OSBPL1A: variants seen among roughly 807,000 people sequenced by gnomAD.
OSBPL1A encodes oxysterol-binding protein-related protein 1.
In OSBPL1A, 80 loss-of-function variants were observed where a neutral mutation model predicts 137.1. The observed-to-expected ratio is 0.58, with a 90% confidence interval of 0.49 to 0.70. OSBPL1A has a LOEUF of 0.70. Ranked by LOEUF, OSBPL1A falls within the 30% of genes least tolerant of loss-of-function variation. The probability of loss-of-function intolerance (pLI) is 0.00; values close to 1 mark genes in which losing one functional copy is unlikely to be tolerated. For missense variants in OSBPL1A, 970 were observed against 1,129.4 expected (o/e 0.86, Z 2.02); for synonymous variants, 365 against 389.7 (o/e 0.94, Z 0.75).
At position 24,385,055 on chromosome 18, in the gene OSBPL1A, C is replaced by T. The variant is rs982783440; in HGVS notation, c.-2-7520G>A. The stretch of plus-strand genomic sequence containing the variant: ...CTGCAAGCTCCGCCTCCCGGGTTCA[C>T]GCCATTCTCCTGCCTCAGCCTCCCA... On this transcript the variant is annotated intron_variant, in intron 1 of 27. Transcript: ENST00000319481. Among the ~76,000 whole-genome samples the T allele has an allele frequency of 4.0e-5, 6 of 151,128 alleles. No individual in the cohort carries two copies. The East Asian group carries it at 7.9e-4, about 20-fold the overall frequency.
In OSBPL1A at chr18:24,171,467, G is replaced by T. The variant is rs530003535; in HGVS notation, c.2233C>A (p.Pro745Thr). The change falls in exon 23 of 28, where the codon CCA (proline) becomes ACA (threonine). Residue 745 changes from proline to threonine, a missense_variant. Pro to Thr is a conservative substitution (Grantham distance 38, BLOSUM62 -1). This residue lies in a region of OSBPL1A where 323 missense variants were observed against 456.8 expected (regional missense o/e 0.71). Transcript: ENST00000319481. ...AATTCCTTACCAAAAAGGCCACATG[G>T]CTTAAAATTCAACACACATTTGTCC... is the stretch of plus-strand genomic sequence containing the variant. ...TGDKCVLNFKPCGLFGKELHK... is the reference protein window; with the variant it reads ...TGDKCVLNFKTCGLFGKELHK... 1 of 1,613,490 alleles carries T rather than the reference G, an allele frequency of 6.2e-7. No individual in the cohort carries two copies. The highest frequency in any genetic ancestry group is 2.2e-5 in the East Asian group (1 of 44,854).
At chr18:24,251,124 T>A (rs2089077238) in intron 15 of OSBPL1A, among the ~76,000 whole-genome samples, 1 of 152,214 alleles carries the variant, frequency 6.6e-6, no homozygotes, top group South Asian at 2.1e-4. Context: ...CTAAGGTTTT[T>A]GATTCCAATC....
chr18:24,163,127 T>C lies in OSBPL1A; in HGVS notation c.*52A>G. The C allele has an allele frequency of 7.4e-6, 10 of 1,355,176 alleles. No homozygotes were observed. In the South Asian group the frequency reaches 7.7e-5, roughly 10 times the overall value. 83.9% of individuals were successfully genotyped at this position (1,355,176 alleles called of 1,614,324 possible). A position where few individuals can be genotyped will look rare whatever the true frequency, so the allele number is the denominator to read the frequency against. On this transcript the variant is annotated 3_prime_UTR_variant, in exon 28 of 28. Coordinates refer to ENST00000319481, the MANE Select transcript of OSBPL1A (RefSeq NM_080597.4). ...ACCAAGGGAAAAAAATTTAAAAACATAGGTTTAAGACTTATTTGTAGATTA... is the reference window on the plus strand; with the variant it reads ...ACCAAGGGAAAAAAATTTAAAAACACAGGTTTAAGACTTATTTGTAGATTA...
Position 24,162,863 on chromosome 18 carries a change from A to C in OSBPL1A, c.*316T>G. ...TATATAGTTCCATAAAGCTAAAGTT[A>C]CATTTAGGTATAAACCTTCAGTAAA... On this transcript the variant is annotated 3_prime_UTR_variant, in exon 28 of 28. Coordinates refer to ENST00000319481, the MANE Select transcript of OSBPL1A (RefSeq NM_080597.4). 1 of 205,326 alleles carries C rather than the reference A, an allele frequency of 4.9e-6. No individual in the cohort carries two copies. The highest frequency in any genetic ancestry group is 9.8e-6 in the Non-Finnish European group (1 of 102,036). 12.7% of individuals were successfully genotyped at this position (205,326 alleles called of 1,614,324 possible).
At chr18:24,298,973 C>T (rs1388206009) in intron 14 of OSBPL1A, among the ~76,000 whole-genome samples, 2 of 152,134 alleles carry the variant, frequency 1.3e-5, no homozygotes, top group Non-Finnish European at 2.9e-5. Flanking sequence ...ATCCTTTTAC[C>T]ATTATGTAAT....
At chr18:24,392,210 G>A (rs978114063) in intron 1 of OSBPL1A, among the ~76,000 whole-genome samples, 4 of 151,518 alleles carry the variant, frequency 2.6e-5, no homozygotes, top group African/African-American at 9.7e-5. Flanking sequence ...TCCCATGCTG[G>A]AGTGCAATGG....
At chr18:24,385,169 T>A (rs1906876211) in intron 1 of OSBPL1A, among the ~76,000 whole-genome samples, 2 of 151,980 alleles carry the variant, frequency 1.3e-5, no homozygotes, top group South Asian at 2.1e-4. Flanking sequence ...TTAGCCAGGA[T>A]GGTCTCTATC....
chr18:24,390,870 T>C (rs970654032), intron 1 of OSBPL1A, among the ~76,000 whole-genome samples: 3 of 151,252 alleles, frequency 2.0e-5, no homozygotes, highest in African/African-American at 7.3e-5. Flanking sequence ...GAAGTTGAGG[T>C]GGGCGGATCA....
chr18:24,163,790 T>C (rs530064266), intron 27 of OSBPL1A, among the ~76,000 whole-genome samples: 1 of 152,136 alleles, frequency 6.6e-6, no homozygotes, highest in South Asian at 2.1e-4. Context: ...TGGAGTGCGA[T>C]GGTGCACTCT....
At chr18:24,272,306 A>T in intron 15 of OSBPL1A, 1 of 979,350 alleles carries the variant, frequency 1.0e-6, no homozygotes, top group Non-Finnish European at 1.2e-6. Flanking sequence ...TGGAAAGCAA[A>T]GGAATCTTCT....
intron 14 of OSBPL1A, among the ~76,000 whole-genome samples, 180 bp from the exon 15 acceptor site, chr18:24,281,128 T>A (rs2089949618): frequency 6.6e-6 from 1 of 152,112 alleles, no homozygotes; most frequent in South Asian, 2.1e-4. Context: ...CTCTGTTGCC[T>A]AGGCTGGAGT....
chr18:24,178,379 C>T (rs1447650676), intron 20 of OSBPL1A, among the ~76,000 whole-genome samples, 184 bp from the exon 21 acceptor site: 1 of 152,080 alleles, frequency 6.6e-6, no homozygotes, highest in African/African-American at 2.4e-5. Flanking sequence ...GCAACCCCTG[C>T]CTCCCAGGTT....
At chr18:24,342,589 C>T (rs2091289463) in intron 4 of OSBPL1A, among the ~76,000 whole-genome samples, 1 of 152,094 alleles carries the variant, frequency 6.6e-6, no homozygotes, top group Admixed American at 6.6e-5. Context: ...TTCCTTTGGG[C>T]CATGACGTCC....
Position 24,167,419 on chromosome 18 carries a change from T to A in OSBPL1A, c.2445A>T (p.Glu815Asp). The A allele has an allele frequency of 6.2e-7, 1 of 1,614,196 alleles. No homozygotes were observed. The highest frequency in any genetic ancestry group is 1.1e-5 in the South Asian group (1 of 91,084). Residue 815 changes from glutamate to aspartate, a missense_variant, in exon 25 of 28, where the codon GAA (glutamate) becomes GAT (aspartate). Coordinates refer to ENST00000319481, the MANE Select transcript of OSBPL1A (RefSeq NM_080597.4). ...KQMSTSEELD[E>D]MPVPDSESVF... ...CACTTTCAGAATCCGGCACTGGCAT[T>A]TCATCCAACTCCTCAGAGGTGCTCA... is the stretch of plus-strand genomic sequence containing the variant.
chr18:24,362,290 T>G (rs2091636004), intron 4 of OSBPL1A, among the ~76,000 whole-genome samples: 1 of 152,080 alleles, frequency 6.6e-6, no homozygotes, highest in Non-Finnish European at 1.5e-5. Flanking sequence ...AATCGAGCCA[T>G]CTGCAGCTCA....
intron 15 of OSBPL1A, among the ~76,000 whole-genome samples, chr18:24,239,925 C>CTT (rs10699940): frequency 0.51 from 64,213 of 125,472 alleles, 17,513 homozygotes; most frequent in East Asian, 0.87. Flanking sequence ...TCATTTTTCT[C>CTT]TTTTTTTTTT....
chr18:24,321,262 C>A (rs1032401608), intron 7 of OSBPL1A, among the ~76,000 whole-genome samples: 2 of 152,030 alleles, frequency 1.3e-5, no homozygotes, highest in Non-Finnish European at 2.9e-5. Flanking sequence ...CTATCACATG[C>A]TTGTGGTTTT....
chr18:24,184,209 T>TA, intron 18 of OSBPL1A, among the ~76,000 whole-genome samples: 1 of 151,298 alleles, frequency 6.6e-6, no homozygotes, highest in East Asian at 1.9e-4. Flanking sequence ...TTTAATTAAT[T>TA]AATTTATTTT....
At chr18:24,224,762 G>C (rs1049851247) in intron 17 of OSBPL1A, among the ~76,000 whole-genome samples, 1 of 152,154 alleles carries the variant, frequency 6.6e-6, no homozygotes, top group African/African-American at 2.4e-5. Context: ...AGTTTTAACA[G>C]GTAGTTCTGA....
Sources: gnomAD v4.1 joint callset for allele counts (sites outside exome capture counted in the v4.1 genomes callset) on GRCh38, gnomAD v4.1.1 for gene constraint, gnomAD v4.1.1 regional missense constraint, MANE v1.5 for transcripts, NCBI Gene and HGNC (gene_info 2026-07-23, HGNC 2026-07-21) for gene names.